The following PDE4D variants were observed in gnomAD, a reference collection of about 807,000 sequenced individuals.
PDE4D encodes phosphodiesterase 4D.
A neutral mutation model predicts 87.4 loss-of-function variants in PDE4D; 24 were observed. The ratio of observed to expected loss-of-function variants is 0.27; its 90% confidence interval spans 0.20 to 0.39. The LOEUF is 0.39. PDE4D is among the 10% of genes least tolerant of loss of function. The pLI, the probability that PDE4D is intolerant of heterozygous loss-of-function variation, is 1.00. For missense variants in PDE4D, 714 were observed against 1,041.0 expected (o/e 0.69, Z 4.32); for synonymous variants, 384 against 383.2 (o/e 1.00, Z -0.02).
At chr5:59,268,118 T>G (rs918121324) in intron 1 of PDE4D, among the ~76,000 whole-genome samples, 1 of 152,092 alleles carries the variant, frequency 6.6e-6, no homozygotes, top group Admixed American at 6.6e-5. Context: ...TCTTGAAATA[T>G]TCCCTTGTGT....
chr5:60,499,815 G>C (rs1388926485), intron 1 of PDE4D, among the ~76,000 whole-genome samples: 1 of 152,138 alleles, frequency 6.6e-6, no homozygotes, highest in African/African-American at 2.4e-5. Context: ...AGAATTTGAA[G>C]CAGAGGTTTG....
At chr5:60,436,478 T>C (rs963317887) in intron 1 of PDE4D, among the ~76,000 whole-genome samples, 1 of 152,100 alleles carries the variant, frequency 6.6e-6, no homozygotes, top group South Asian at 2.1e-4. Context: ...ACAAGAGCAC[T>C]GTATTTGTAT....
intron 1 of PDE4D, among the ~76,000 whole-genome samples, chr5:60,272,309 G>A (rs1331391371): frequency 6.6e-6 from 1 of 152,220 alleles, no homozygotes; most frequent in East Asian, 1.9e-4. Context: ...ATGTTGGGCT[G>A]GAGTGTTTGT....
intron 5 of PDE4D, among the ~76,000 whole-genome samples, chr5:59,122,247 C>A (rs1308636483): frequency 6.6e-6 from 1 of 151,392 alleles, no homozygotes; most frequent in Non-Finnish European, 1.5e-5. Context: ...ATAAAATCGT[C>A]ATTTACAGCA....
chr5:59,948,796 A>T (rs1757968084), intron 3 of PDE4D, among the ~76,000 whole-genome samples: 1 of 152,196 alleles, frequency 6.6e-6, no homozygotes, highest in African/African-American at 2.4e-5. Context: ...AGTATAAAGG[A>T]GGTTGAATTG....
intron 2 of PDE4D, among the ~76,000 whole-genome samples, chr5:59,204,355 G>A (rs1748258970): frequency 6.6e-6 from 1 of 152,090 alleles, no homozygotes; most frequent in Non-Finnish European, 1.5e-5. Flanking sequence ...CTCTTTATTT[G>A]TCATGAGAAA....
intron 1 of PDE4D, among the ~76,000 whole-genome samples, chr5:59,514,161 A>G (rs2153669993): frequency 6.7e-6 from 1 of 149,320 alleles, no homozygotes; most frequent in South Asian, 2.1e-4. Context: ...GCTGGAGTGC[A>G]GTGGTGCGAT....
chr5:59,584,859 T>C (rs1386373606), intron 1 of PDE4D, among the ~76,000 whole-genome samples: 2 of 152,132 alleles, frequency 1.3e-5, no homozygotes, highest in African/African-American at 2.4e-5. Context: ...GCCTAAGGCA[T>C]AGAAGAAAAA....
At chr5:59,024,137 T>A (rs916053321) in intron 6 of PDE4D, among the ~76,000 whole-genome samples, 15 of 151,156 alleles carry the variant, frequency 9.9e-5, no homozygotes, top group Admixed American at 4.0e-4. Context: ...TCTGGCCTCA[T>A]GTGATCGACC....
chr5:59,291,733 AAG>A (rs1343206266), intron 1 of PDE4D, among the ~76,000 whole-genome samples: 3 of 117,798 alleles, frequency 2.5e-5, no homozygotes, highest in Non-Finnish European at 5.4e-5. Context: ...AAAAAGTAAA[AAG>A]AAGTTTTTTT....
chr5:59,529,020 C>A (rs1813675537), intron 1 of PDE4D: 2 of 469,140 alleles, frequency 4.3e-6, no homozygotes, highest in Admixed American at 4.7e-5. Context: ...AGTACAACAA[C>A]CAACTCTAAC....
intron 1 of PDE4D, among the ~76,000 whole-genome samples, chr5:59,600,514 C>A (rs1827346350): frequency 6.6e-6 from 1 of 152,150 alleles, no homozygotes; most frequent in Admixed American, 6.6e-5. Flanking sequence ...TAAGACAGTA[C>A]ATTTTCCTCA....
At chr5:59,211,305 A>G (rs1750029245) in intron 2 of PDE4D, among the ~76,000 whole-genome samples, 1 of 152,196 alleles carries the variant, frequency 6.6e-6, no homozygotes, top group Admixed American at 6.5e-5. Flanking sequence ...AGAAGTGGTC[A>G]GGAACTTCTC....
At chr5:59,232,273 G>A (rs1407392650) in intron 1 of PDE4D, among the ~76,000 whole-genome samples, 2 of 152,078 alleles carry the variant, frequency 1.3e-5, no homozygotes, top group African/African-American at 4.8e-5. Flanking sequence ...ATATATATCT[G>A]ACAACGGACT....
At chr5:59,654,358 G>A (rs1744017124) in intron 1 of PDE4D, among the ~76,000 whole-genome samples, 1 of 152,178 alleles carries the variant, frequency 6.6e-6, no homozygotes, top group African/African-American at 2.4e-5. Flanking sequence ...GTTGAGAGTT[G>A]CTCACCTATT....
chr5:59,271,059 A>G (rs977102994), intron 1 of PDE4D, among the ~76,000 whole-genome samples: 2 of 149,470 alleles, frequency 1.3e-5, no homozygotes, highest in Non-Finnish European at 3.0e-5. Flanking sequence ...TTTTAAATTG[A>G]GACAGAGTCT....
At chr5:59,948,339 T>C (rs964123654) in intron 3 of PDE4D, among the ~76,000 whole-genome samples, 4 of 152,238 alleles carry the variant, frequency 2.6e-5, no homozygotes, top group African/African-American at 9.6e-5. Context: ...TAATGCCATA[T>C]ATAAGTTCTG....
At chr5:59,509,964 A>G (rs1178925893) in intron 1 of PDE4D, among the ~76,000 whole-genome samples, 1 of 148,520 alleles carries the variant, frequency 6.7e-6, no homozygotes, top group Non-Finnish European at 1.5e-5. Flanking sequence ...TATTATAATT[A>G]TAATTAATCC....
chr5:60,345,410 A>G (rs1050113138), intron 1 of PDE4D, among the ~76,000 whole-genome samples: 2 of 151,948 alleles, frequency 1.3e-5, no homozygotes, highest in Non-Finnish European at 2.9e-5. Context: ...ACAAACCTGC[A>G]TGTTGTGCAC....
Sources: gnomAD v4.1 joint callset for allele counts (sites outside exome capture counted in the v4.1 genomes callset) on GRCh38, gnomAD v4.1.1 for gene constraint, MANE v1.5 for transcripts, NCBI Gene and HGNC (gene_info 2026-07-23, HGNC 2026-07-21) for gene names.